ADGRL2: variants seen among roughly 807,000 people sequenced by gnomAD.
ADGRL2 encodes the protein calcium-independent alpha-latrotoxin receptor 2.
In ADGRL2, 44 loss-of-function variants were observed where a neutral mutation model predicts 157.4. The observed-to-expected ratio is 0.28, with a 90% CI of 0.22 to 0.36. The LOEUF is 0.36. ADGRL2 is among the 10% of genes least tolerant of loss of function. The pLI, the probability that ADGRL2 is intolerant of heterozygous loss-of-function variation, is 1.00. For missense variants in ADGRL2, 1,510 were observed against 1,768.9 expected, an observed-to-expected ratio of 0.85 and a Z score of 2.63; for synonymous variants, 585 against 624.7, an observed-to-expected ratio of 0.94 and a Z score of 0.95.
intron 2 of ADGRL2, among the ~76,000 whole-genome samples, chr1:81,901,875 T>A (rs2094494176): frequency 6.6e-6 from 1 of 152,216 alleles, no homozygotes; most frequent in African/African-American, 2.4e-5. Context: ...TATATTTTTC[T>A]TAAAAATGTG....
At chr1:81,846,501 G>A (rs1320984381) in intron 2 of ADGRL2, among the ~76,000 whole-genome samples, 3 of 151,496 alleles carry the variant, frequency 2.0e-5, no homozygotes, top group East Asian at 1.9e-4. Flanking sequence ...GGAAAAAAAA[G>A]AAGGGATTCG....
chr1:81,709,390 C>T (rs2083849444), intron 1 of ADGRL2, among the ~76,000 whole-genome samples: 1 of 152,120 alleles, frequency 6.6e-6, no homozygotes, highest in Admixed American at 6.5e-5. Flanking sequence ...AGACTATCTC[C>T]TCTATTCAGT....
chr1:81,735,959 A>G (rs2084884842), intron 1 of ADGRL2, among the ~76,000 whole-genome samples: 1 of 151,668 alleles, frequency 6.6e-6, no homozygotes, highest in Non-Finnish European at 1.5e-5. Flanking sequence ...CCTGACTAAC[A>G]TGGTGAAACC....
chr1:81,387,491 A>G (rs1038508392), intron 1 of ADGRL2, among the ~76,000 whole-genome samples: 3 of 152,174 alleles, frequency 2.0e-5, no homozygotes, highest in Non-Finnish European at 4.4e-5. Flanking sequence ...CACTGTTCAC[A>G]TGCTTTAAAT....
intron 3 of ADGRL2, among the ~76,000 whole-genome samples, chr1:81,678,632 G>C (rs142659946): frequency 2.6e-4 from 39 of 152,316 alleles, no homozygotes; most frequent in African/African-American, 2.9e-4. Context: ...AGCCAGGAAT[G>C]TATATAACAG....
chr1:81,571,299 G>T (rs1390216272), intron 2 of ADGRL2, among the ~76,000 whole-genome samples: 4 of 150,384 alleles, frequency 2.7e-5, no homozygotes, highest in East Asian at 1.9e-4. Context: ...CATGTAGCCT[G>T]GGTGACAGAG....
chr1:81,762,314 T>A (rs2085910501), intron 2 of ADGRL2, among the ~76,000 whole-genome samples: 2 of 152,182 alleles, frequency 1.3e-5, no homozygotes, highest in African/African-American at 4.8e-5. Context: ...CATCTGTGAA[T>A]TTTAAAATAT....
intron 1 of ADGRL2, among the ~76,000 whole-genome samples, chr1:81,702,675 T>C (rs2083611296): frequency 6.6e-6 from 1 of 152,192 alleles, no homozygotes; most frequent in Non-Finnish European, 1.5e-5. Flanking sequence ...TTCCAAAATA[T>C]GTATGAATTA....
rs1662613827 is a variant in ADGRL2 at position 81,348,143 on chromosome 1, T to C, written c.-302+41634T>C. Reference sequence around the variant, plus strand: ...TGCACTGCAGAGCCATGGGGTGATGTTGACACCCCATAAGCCTGGACAGCA... The same window carrying C: ...TGCACTGCAGAGCCATGGGGTGATGCTGACACCCCATAAGCCTGGACAGCA... On this transcript the variant is annotated intron_variant, in intron 1 of 24. Coordinates refer to the ADGRL2 transcript ENST00000370721. 2.0e-5 allele frequency among the ~76,000 whole-genome samples: 3 copies of C among 152,136 alleles called. No homozygotes were observed. In the South Asian group the frequency reaches 6.2e-4, roughly 32 times the overall value.
chr1:81,543,927 T>G (rs577747011), intron 2 of ADGRL2, among the ~76,000 whole-genome samples: 10 of 152,288 alleles, frequency 6.6e-5, no homozygotes, highest in African/African-American at 2.4e-4. Flanking sequence ...TAAAGCCTAT[T>G]TACACCGGGT....
intron 3 of ADGRL2, among the ~76,000 whole-genome samples, chr1:81,598,929 C>A (rs2081287667): frequency 6.6e-6 from 1 of 152,188 alleles, no homozygotes; most frequent in Admixed American, 6.5e-5. Flanking sequence ...TCATGGTACA[C>A]AATACCTAAG....
chr1:81,572,555 A>G (rs907704524), intron 2 of ADGRL2, among the ~76,000 whole-genome samples: 1 of 152,196 alleles, frequency 6.6e-6, no homozygotes, highest in Non-Finnish European at 1.5e-5. Context: ...AAACTTTCAT[A>G]TTACAGGTCC....
intron 2 of ADGRL2, among the ~76,000 whole-genome samples, chr1:81,490,927 A>T (rs1035599096): frequency 1.3e-5 from 2 of 152,240 alleles, no homozygotes; most frequent in Admixed American, 1.3e-4. Context: ...ACAGTGAAGT[A>T]TTCTAAAGTA....
intron 2 of ADGRL2, among the ~76,000 whole-genome samples, chr1:81,846,416 T>A (rs2092792362): frequency 7.8e-6 from 1 of 127,566 alleles, no homozygotes. Context: ...AGAGATAGAT[T>A]AAAATGTCCC....
intron 2 of ADGRL2, among the ~76,000 whole-genome samples, chr1:81,857,319 T>C (rs920744024): frequency 2.6e-5 from 4 of 152,222 alleles, no homozygotes; most frequent in Non-Finnish European, 4.4e-5. Context: ...GTGGTATTTG[T>C]GGTTTAATCA....
intron 3 of ADGRL2, among the ~76,000 whole-genome samples, chr1:81,917,194 T>G (rs2094876541): frequency 1.3e-5 from 2 of 152,084 alleles, no homozygotes; most frequent in Admixed American, 1.3e-4. Flanking sequence ...CTATTAATTT[T>G]CCATATATCC....
intron 4 of ADGRL2, 37 bp from the exon 5 acceptor site, chr1:81,941,997 C>A: frequency 1.3e-6 from 1 of 763,398 alleles, no homozygotes; most frequent in Non-Finnish European, 2.4e-6. Context: ...TTTCCTTGCA[C>A]CTTTTTTATT....
intron 3 of ADGRL2, among the ~76,000 whole-genome samples, chr1:81,658,325 C>T (rs985133105): frequency 6.6e-6 from 1 of 152,110 alleles, no homozygotes; most frequent in African/African-American, 2.4e-5. Context: ...GAACTCCTGA[C>T]CTCAGGTGAT....
chr1:81,606,907 A>G (rs984910344), intron 3 of ADGRL2, among the ~76,000 whole-genome samples: 2 of 152,136 alleles, frequency 1.3e-5, no homozygotes, highest in African/African-American at 4.8e-5. Flanking sequence ...GTACATTTTG[A>G]TGAATCAAGC....
Sources: allele counts gnomAD v4.1 joint callset (sites outside exome capture counted in the v4.1 genomes callset), GRCh38; gene constraint gnomAD v4.1.1; transcripts MANE v1.5; gene names NCBI Gene and HGNC (gene_info 2026-07-23, HGNC 2026-07-21).